Variants in ZNF860 observed in about 807,000 individuals in gnomAD.
ZNF860 encodes the protein zinc finger protein 860.
For synonymous variants in ZNF860, 206 were observed against 248.9 expected, an observed-to-expected ratio of 0.83 and a Z score of 1.62; for missense variants, 641 against 759.2, an observed-to-expected ratio of 0.84 and a Z score of 1.83.
intron 1 of ZNF860, among the ~76,000 whole-genome samples, chr3:31,985,591 AG>A (rs921619832): frequency 7.6e-4 from 116 of 152,268 alleles, no homozygotes; most frequent in African/African-American, 2.7e-3. Flanking sequence ...AAGCCTTAGG[AG>A]GATGTTCATG....
intron 1 of ZNF860, among the ~76,000 whole-genome samples, chr3:31,988,379 G>T (rs867971954): frequency 6.6e-6 from 1 of 152,156 alleles, no homozygotes; most frequent in Admixed American, 6.5e-5. Context: ...AGTAGGATGA[G>T]TGTGTTGTAC....
intron 1 of ZNF860, among the ~76,000 whole-genome samples, 193 bp from the exon 2 acceptor site, chr3:31,988,467 T>A (rs1447338271): frequency 6.6e-6 from 1 of 152,168 alleles, no homozygotes. Context: ...TAGATTCCTC[T>A]CCTTTAGAGG....
Position 31,990,659 on chromosome 3 carries a change from G to A in ZNF860, c.1580G>A (p.Arg527His), listed in dbSNP as rs776070083. The A allele has an allele frequency of 1.9e-5, 30 of 1,613,922 alleles. No individual in the cohort carries two copies. The highest frequency in any genetic ancestry group is 3.3e-4 in the Middle Eastern group (2 of 6,062). Residue 527 changes from arginine to histidine, a missense_variant, in exon 2 of 2, where the codon CGT (arginine) becomes CAT (histidine). By Grantham distance (29) the Arg-to-His change is conservative. Coordinates refer to ENST00000360311, the MANE Select transcript of ZNF860 (RefSeq NM_001137674.3). Reference protein sequence around the residue: ...KVFNQQATLARHHRLHTGEKP... With the variant: ...KVFNQQATLAHHHRLHTGEKP... ...TTTAATCAACAAGCAACCCTTGCAC[G>A]TCATCATAGACTTCATACTGGAGAG...
At chr3:31,984,147 C>T (rs1698901344) in intron 1 of ZNF860, among the ~76,000 whole-genome samples, 1 of 152,166 alleles carries the variant, frequency 6.6e-6, no homozygotes, top group South Asian at 2.1e-4. Flanking sequence ...ACGTCATTCT[C>T]CTGCCTCACA....
chr3:32,004,932 T>C, the ZNF860 span, among the ~76,000 whole-genome samples: 2 of 152,338 alleles, frequency 1.3e-5, no homozygotes, highest in African/African-American at 2.4e-5. Context: ...TTCCCACTTA[T>C]GTTTCTCCCC....
chr3:31,998,091 C>T, the ZNF860 span, among the ~76,000 whole-genome samples: 2 of 152,164 alleles, frequency 1.3e-5, no homozygotes, highest in Non-Finnish European at 2.9e-5. Flanking sequence ...CCAGCTATAG[C>T]CTCAGTGTCT....
chr3:31,997,284 G>T, the ZNF860 span, among the ~76,000 whole-genome samples: 8 of 151,062 alleles, frequency 5.3e-5, no homozygotes, highest in African/African-American at 1.9e-4. Context: ...TTTCAAGATG[G>T]AGTCTCGCCC....
At chr3:32,001,299 G>A in the ZNF860 span, among the ~76,000 whole-genome samples, 2 of 152,120 alleles carry the variant, frequency 1.3e-5, no homozygotes, top group Non-Finnish European at 2.9e-5. Context: ...CTATAAGGCT[G>A]GGCTCTATAT....
intron 1 of ZNF860, among the ~76,000 whole-genome samples, chr3:31,984,633 C>G (rs906872647): frequency 1.3e-5 from 2 of 152,126 alleles, no homozygotes; most frequent in Non-Finnish European, 2.9e-5. Context: ...CTTGTGACCT[C>G]TGGAAAAATG....
chr3:32,001,124 C>G, the ZNF860 span, among the ~76,000 whole-genome samples: 116 of 152,254 alleles, frequency 7.6e-4, 2 homozygotes, highest in South Asian at 0.022. Flanking sequence ...CTTCCTGAAG[C>G]CTGGCTGATC....
intron 1 of ZNF860, among the ~76,000 whole-genome samples, chr3:31,988,039 C>T (rs1376288627): frequency 6.6e-6 from 1 of 152,204 alleles, no homozygotes; most frequent in East Asian, 1.9e-4. Context: ...GAAGTATTCC[C>T]AGGCCTTGAG....
chr3:31,996,045 T>C (rs1575081916), downstream of ZNF860, among the ~76,000 whole-genome samples: 1 of 152,296 alleles, frequency 6.6e-6, no homozygotes, highest in East Asian at 1.9e-4. Flanking sequence ...GGTCACACTG[T>C]GAGCTGGAGG....
downstream of ZNF860, among the ~76,000 whole-genome samples, chr3:31,996,668 G>A (rs1699092996): frequency 1.3e-5 from 2 of 152,080 alleles, no homozygotes; most frequent in African/African-American, 2.4e-5. Flanking sequence ...GGGTGCTGAC[G>A]TTTCTTTTTG....
At position 31,989,634 on chromosome 3, in the gene ZNF860, T is replaced by C; in HGVS notation, c.555T>C (p.Asp185=). ...VGNQVEKSIN[D]ASSVLTSQRI... is the part of the protein sequence containing the mutation. Reference sequence around the variant, plus strand: ...ATCAAGTTGAGAAGTCTATCAACGATGCTTCCTCAGTTCTAACGTCCCAAA... The same window carrying C: ...ATCAAGTTGAGAAGTCTATCAACGACGCTTCCTCAGTTCTAACGTCCCAAA... The change falls in exon 2 of 2, where the codon GAT becomes GAC. Residue 185 remains aspartate, a synonymous_variant. Transcript: ENST00000360311. 6.2e-7 allele frequency: 1 copy of C among 1,614,200 alleles called. No individual in the cohort carries two copies. Among genetic ancestry groups the C allele is most frequent in the Non-Finnish European group, 8.5e-7 (1 of 1,180,022 alleles).
chr3:31,987,006 CA>C (rs577485237), intron 1 of ZNF860, among the ~76,000 whole-genome samples: 1 of 150,952 alleles, frequency 6.6e-6, no homozygotes, highest in African/African-American at 2.4e-5. Flanking sequence ...GACCCTATCT[CA>C]AAAAAAACAG....
In ZNF860 at chr3:31,990,617, A is replaced by C; in HGVS notation, c.1538A>C (p.Asn513Thr). ...IHTGEKPYKC[N>T]ECGKVFNQQA... ...ACTGGAGAGAAACCTTACAAGTGTA[A>C]TGAATGTGGCAAGGTTTTTAATCAA... Residue 513 changes from asparagine (N) to threonine (T), a missense_variant, in exon 2 of 2, where the codon AAT (asparagine) becomes ACT (threonine). Physicochemically the swap from Asn to Thr is moderately conservative, Grantham distance 65. Transcript: ENST00000360311. The C allele has an allele frequency of 6.2e-7, 1 of 1,614,182 alleles. No homozygotes were observed. Among genetic ancestry groups the C allele is most frequent in the South Asian group, 1.1e-5 (1 of 91,078 alleles).
At chr3:32,003,693 G>T in the ZNF860 span, among the ~76,000 whole-genome samples, 1 of 152,170 alleles carries the variant, frequency 6.6e-6, no homozygotes, top group Non-Finnish European at 1.5e-5. Flanking sequence ...AAAGGGCAAG[G>T]ATTTAATTGG....
rs1187629053 is a variant in ZNF860 at position 31,990,307 on chromosome 3, G to T, written c.1228G>T (p.Ala410Ser). Reference protein sequence around the residue: ...CNDCHKVFSNATTIANHWRIH... With the variant: ...CNDCHKVFSNSTTIANHWRIH... ...TGATTGTCACAAAGTCTTCAGTAAT[G>T]CTACAACCATTGCAAATCATTGGAG... The change falls in exon 2 of 2, where the codon GCT (alanine) becomes TCT (serine). Residue 410 changes from alanine to serine, a missense_variant. Ala to Ser is a moderately conservative substitution (Grantham distance 99). Coordinates refer to ENST00000360311, the MANE Select transcript of ZNF860 (RefSeq NM_001137674.3). The T allele has an allele frequency of 6.2e-7, 1 of 1,614,062 alleles. No individual in the cohort carries two copies. The highest frequency in any genetic ancestry group is 8.5e-7 in the Non-Finnish European group (1 of 1,179,988).
rs748330690 is a variant in ZNF860, at chr3:31,990,348, G to A, written c.1269G>A (p.Glu423=). The part of the protein sequence containing the change: ...IANHWRIHNE[E]RSYKCNKCGK... ...ATCATTGGAGAATCCATAATGAAGA[G>A]AGATCTTACAAGTGTAATAAATGTG... Residue 423 remains glutamate, a synonymous_variant, in exon 2 of 2, where the codon GAG becomes GAA. Coordinates refer to ENST00000360311, the MANE Select transcript of ZNF860 (RefSeq NM_001137674.3). 1.1e-5 allele frequency: 18 copies of A among 1,613,954 alleles called. No homozygotes were observed. In the South Asian group the frequency reaches 1.6e-4, roughly 15 times the overall value.
Sources: allele counts gnomAD v4.1 joint callset (sites outside exome capture counted in the v4.1 genomes callset), GRCh38; gene constraint gnomAD v4.1.1; transcripts MANE v1.5; gene names NCBI Gene and HGNC (gene_info 2026-07-23, HGNC 2026-07-21).